Variants in CBLB observed in about 807,000 individuals in gnomAD.
CBLB encodes the protein Cbl proto-oncogene B.
CBLB carries 31 observed loss-of-function variants against 104.9 expected under a neutral mutation model. The observed-to-expected ratio is 0.30, with a 90% CI of 0.22 to 0.40. The LOEUF (loss-of-function observed/expected upper bound fraction) is 0.40, where lower values mean the gene tolerates loss of function less well. CBLB is among the 10% of genes least tolerant of loss of function. CBLB has a pLI of 1.00. For missense variants in CBLB, 1,062 were observed against 1,214.6 expected (o/e 0.87, Z 1.87); for synonymous variants, 440 against 422.6 (o/e 1.04, Z -0.51).
intron 10 of CBLB, among the ~76,000 whole-genome samples, chr3:105,710,223 T>C (rs931480084): frequency 3.3e-5 from 5 of 151,948 alleles, no homozygotes; most frequent in Admixed American, 6.6e-5. Flanking sequence ...CTGGTTTTCA[T>C]GTGTTAATGA....
intron 4 of CBLB, among the ~76,000 whole-genome samples, chr3:105,752,216 A>T (rs565618352): frequency 3.7e-4 from 56 of 152,354 alleles, no homozygotes; most frequent in African/African-American, 9.9e-4. Flanking sequence ...TGGTTATATC[A>T]TGGGAGTTTA....
chr3:105,746,725 T>C (rs1463862498), intron 5 of CBLB, among the ~76,000 whole-genome samples: 1 of 152,188 alleles, frequency 6.6e-6, no homozygotes, highest in African/African-American at 2.4e-5. Context: ...ACTGCTTCAT[T>C]TTACACAGTA....
chr3:105,760,274 T>G (rs1277909056), intron 4 of CBLB, among the ~76,000 whole-genome samples: 1 of 152,216 alleles, frequency 6.6e-6, no homozygotes, highest in Non-Finnish European at 1.5e-5. Flanking sequence ...GAAGAGAAGC[T>G]GCAAGTATAA....
intron 3 of CBLB, among the ~76,000 whole-genome samples, chr3:105,812,625 A>G (rs1577417414): frequency 6.6e-6 from 1 of 152,340 alleles, no homozygotes; most frequent in East Asian, 1.9e-4. Context: ...GGACTGGAAA[A>G]AAGAGTCAGC....
intron 14 of CBLB, 110 bp from the exon 15 acceptor site, chr3:105,681,928 T>G: frequency 1.4e-6 from 1 of 698,492 alleles, no homozygotes; most frequent in Non-Finnish European, 2.5e-6. Flanking sequence ...AGTTTGAACA[T>G]ATATTTTTCT....
At chr3:105,776,123 T>G (rs201897100) in intron 4 of CBLB, among the ~76,000 whole-genome samples, 1 of 152,334 alleles carries the variant, frequency 6.6e-6, no homozygotes, top group East Asian at 1.9e-4. Context: ...GTATAAAGAC[T>G]CTTACATACC....
At chr3:105,785,668 G>A (rs2080896652) in intron 3 of CBLB, among the ~76,000 whole-genome samples, 1 of 151,978 alleles carries the variant, frequency 6.6e-6, no homozygotes, top group Non-Finnish European at 1.5e-5. Context: ...TTTGGAATAG[G>A]ACAAGTAAAA....
At chr3:105,777,461 C>A (rs997702634) in intron 3 of CBLB, among the ~76,000 whole-genome samples, 3 of 152,092 alleles carry the variant, frequency 2.0e-5, no homozygotes, top group Admixed American at 6.5e-5. Flanking sequence ...CATGGCAGGA[C>A]CTCATCTCTA....
At chr3:105,869,374 G>C (rs1328076825), upstream of CBLB, 7 of 1,342,504 alleles carry the variant, frequency 5.2e-6, no homozygotes, top group Admixed American at 2.2e-5. Context: ...CGTCGGGACC[G>C]GGAGCCAAAG....
intron 3 of CBLB, among the ~76,000 whole-genome samples, chr3:105,829,961 T>G (rs2087224977): frequency 6.6e-6 from 1 of 152,192 alleles, no homozygotes; most frequent in South Asian, 2.1e-4. Context: ...AGCACATGTA[T>G]AAACCCAAGG....
intron 14 of CBLB, among the ~76,000 whole-genome samples, chr3:105,682,541 G>T (rs929127886): frequency 3.3e-5 from 5 of 152,070 alleles, no homozygotes; most frequent in Admixed American, 2.6e-4. Context: ...GTGTATCTGT[G>T]TGTTGCAAAG....
intron 3 of CBLB, among the ~76,000 whole-genome samples, chr3:105,793,009 C>T (rs2081866333): frequency 6.6e-6 from 1 of 152,110 alleles, no homozygotes; most frequent in South Asian, 2.1e-4. Flanking sequence ...TATGTATCTC[C>T]TTGTAACTTA....
intron 10 of CBLB, among the ~76,000 whole-genome samples, chr3:105,707,101 T>C (rs2070269627): frequency 1.3e-5 from 2 of 152,214 alleles, no homozygotes; most frequent in South Asian, 4.1e-4. Context: ...AAGAGCCTGT[T>C]GGATACTGAA....
intron 3 of CBLB, among the ~76,000 whole-genome samples, chr3:105,809,399 A>C (rs2083956056): frequency 1.3e-5 from 2 of 152,178 alleles, no homozygotes; most frequent in Non-Finnish European, 2.9e-5. Context: ...AGCAGCTTAG[A>C]AGCTGGCAGA....
At chr3:105,719,831 C>T (rs139913298) in intron 10 of CBLB, among the ~76,000 whole-genome samples, 5 of 152,236 alleles carry the variant, frequency 3.3e-5, no homozygotes, top group African/African-American at 4.8e-5. Flanking sequence ...GACAGCTCCA[C>T]GTGTGTTACT....
intron 3 of CBLB, among the ~76,000 whole-genome samples, chr3:105,794,716 C>A (rs909680129): frequency 1.3e-5 from 2 of 152,086 alleles, no homozygotes; most frequent in African/African-American, 4.8e-5. Flanking sequence ...AGCCACAACT[C>A]ATTATTAAAT....
chr3:105,788,639 A>G lies in CBLB; in HGVS notation c.420-12097T>C, dbSNP rs527420849. ...CAGTCTTCTGATCCCTAAAACATAC[A>G]TTGTAAAAGTACTTAGCTAATTTTG... is the stretch of plus-strand genomic sequence containing the variant. On this transcript the variant is annotated intron_variant, in intron 3 of 18. Coordinates refer to ENST00000394030, the MANE Select transcript of CBLB (RefSeq NM_170662.5). Among the ~76,000 whole-genome samples, 5 of 152,278 alleles carry G rather than the reference A, an allele frequency of 3.3e-5. No homozygotes were observed. In the South Asian group the frequency reaches 6.2e-4, roughly 19 times the overall value.
chr3:105,738,439 C>T (rs1013513598), intron 7 of CBLB, among the ~76,000 whole-genome samples: 3 of 151,724 alleles, frequency 2.0e-5, no homozygotes, highest in Non-Finnish European at 4.4e-5. Context: ...GGGTGTGTTA[C>T]AAAATTTGAC....
Position 105,714,191 on chromosome 3 carries a change from C to T in CBLB, c.1407+5856G>A, listed in dbSNP as rs529106209. On this transcript the variant is annotated intron_variant, in intron 10 of 18. Coordinates refer to ENST00000394030, the MANE Select transcript of CBLB (RefSeq NM_170662.5). ...AACACTGTGATATGCACACACACCC[C>T]TTTCCTTAGGATCAGGAATACTATG... Among the ~76,000 whole-genome samples the T allele has an allele frequency of 3.9e-5, 6 of 152,294 alleles. No homozygotes were observed. The East Asian group carries it at 9.6e-4, about 24-fold the overall frequency.
Sources: allele counts gnomAD v4.1 joint callset (sites outside exome capture counted in the v4.1 genomes callset), GRCh38; gene constraint gnomAD v4.1.1; transcripts MANE v1.5; gene names NCBI Gene and HGNC (gene_info 2026-07-23, HGNC 2026-07-21).